AOPEP: variants seen among roughly 807,000 people sequenced by gnomAD.
The protein encoded by AOPEP is aminopeptidase O (putative), also known as aminopeptidase O.
In AOPEP, 77 loss-of-function variants were observed where a neutral mutation model predicts 98.1. That is an observed-to-expected ratio of 0.78 (90% CI 0.65 to 0.95). The LOEUF (loss-of-function observed/expected upper bound fraction) is 0.95. Among genes scored for constraint, AOPEP ranks in the 40% least tolerant of loss-of-function variants. AOPEP has a pLI of 0.00. For missense variants in AOPEP, 1,024 were observed against 1,024.7 expected, an observed-to-expected ratio of 1.00 and a Z score of 0.01; for synonymous variants, 346 against 365.3, an observed-to-expected ratio of 0.95 and a Z score of 0.60.
At chr9:94,856,173 C>A (rs2044185375) in intron 5 of AOPEP, among the ~76,000 whole-genome samples, 1 of 152,332 alleles carries the variant, frequency 6.6e-6, no homozygotes, top group East Asian at 1.9e-4. Flanking sequence ...CATAGACCAG[C>A]ATGCACACGT....
chr9:95,144,007 T>G, the AOPEP span, among the ~76,000 whole-genome samples: 1 of 152,090 alleles, frequency 6.6e-6, no homozygotes, highest in African/African-American at 2.4e-5. Context: ...CACCAGCCAA[T>G]TGTCAAACAG....
chr9:94,742,060 A>G (rs1051557935), intron 1 of AOPEP, among the ~76,000 whole-genome samples: 7 of 152,210 alleles, frequency 4.6e-5, no homozygotes, highest in African/African-American at 1.4e-4. Flanking sequence ...GTATTCAAAA[A>G]TAGCACTGAC....
chr9:94,851,854 G>T (rs1390063676), intron 5 of AOPEP, among the ~76,000 whole-genome samples: 1 of 150,982 alleles, frequency 6.6e-6, no homozygotes, highest in Non-Finnish European at 1.5e-5. Context: ...CCCTGGAGGT[G>T]GTGGTTTATT....
At chr9:94,785,007 C>T (rs1399343368) in intron 3 of AOPEP, among the ~76,000 whole-genome samples, 2 of 152,160 alleles carry the variant, frequency 1.3e-5, no homozygotes, top group African/African-American at 4.8e-5. Context: ...GATCTCAGCA[C>T]ACTGCAAACT....
At chr9:95,003,165 T>TGTGTGC (rs1196387961) in intron 11 of AOPEP, among the ~76,000 whole-genome samples, 82 of 146,054 alleles carry the variant, frequency 5.6e-4, no homozygotes, top group African/African-American at 1.8e-3. Context: ...TGTGTGTGTG[T>TGTGTGC]GCGCGCGCGC....
chr9:95,047,142 A>G (rs2065927102), intron 13 of AOPEP, among the ~76,000 whole-genome samples: 1 of 152,362 alleles, frequency 6.6e-6, no homozygotes, highest in East Asian at 1.9e-4. Flanking sequence ...CTCACATTTT[A>G]TAAATGCATG....
chr9:94,774,713 A>G (rs1044620201), intron 3 of AOPEP, among the ~76,000 whole-genome samples: 1 of 152,212 alleles, frequency 6.6e-6, no homozygotes, highest in Non-Finnish European at 1.5e-5. Flanking sequence ...GACATTTTAT[A>G]TAAAATTAGA....
At chr9:95,115,299 C>T in the AOPEP span, among the ~76,000 whole-genome samples, 2 of 152,176 alleles carry the variant, frequency 1.3e-5, no homozygotes, top group Admixed American at 6.5e-5. Flanking sequence ...AAGCAGCCCC[C>T]GCTGAGACTG....
rs182857946 is a variant in AOPEP at position 94,843,219 on chromosome 9, C to T, written c.1364+42217C>T. ...TGCTCCAGGGTTTCTCAGGCCTCGG[C>T]ACTTTTCACATCTTGTTTCCCTTAC... On this transcript the variant is annotated intron_variant, in intron 5 of 16. Coordinates refer to ENST00000375315, the MANE Select transcript of AOPEP (RefSeq NM_001193329.3). Among the ~76,000 whole-genome samples, 10 of 152,292 alleles carry T rather than the reference C, an allele frequency of 6.6e-5. No individual in the cohort carries two copies. In the East Asian group the frequency reaches 7.7e-4, roughly 12 times the overall value.
intron 13 of AOPEP, among the ~76,000 whole-genome samples, chr9:95,018,515 T>C (rs2063191636): frequency 6.6e-6 from 1 of 152,224 alleles, no homozygotes; most frequent in African/African-American, 2.4e-5. Context: ...AGAATCTTCA[T>C]GCGTCAGTTG....
chr9:95,107,106 G>A, the AOPEP span: 82 of 1,614,092 alleles, frequency 5.1e-5, no homozygotes, highest in Non-Finnish European at 6.6e-5. Context: ...GCCTCCAGGA[G>A]CCCAGAGCAG....
At position 94,901,309 on chromosome 9, in the gene AOPEP, C is replaced by T. The variant is rs114812741; in HGVS notation, c.1365-22677C>T. ...TCGATTGCTTCTTCCTCTGAGCCCC[C>T]ATAGCAAGAATGTATTTTTTCAATG... On this transcript the variant is annotated intron_variant, in intron 5 of 16. Transcript: ENST00000375315. Among the ~76,000 whole-genome samples the T allele has an allele frequency of 3.6e-3, 551 of 152,196 alleles. 3 individuals are homozygous for T. The highest frequency in any genetic ancestry group is 0.013 in the African/African-American group (534 of 41,520).
chr9:95,117,689 G>T, the AOPEP span, among the ~76,000 whole-genome samples: 1 of 150,428 alleles, frequency 6.6e-6, no homozygotes, highest in Non-Finnish European at 1.5e-5. Flanking sequence ...GGAAAGACTT[G>T]CCAAAGCCGT....
intron 10 of AOPEP, 52 bp from the exon 11 acceptor site, chr9:94,979,315 A>C (rs2060034674): frequency 3.3e-5 from 40 of 1,212,692 alleles, no homozygotes; most frequent in Non-Finnish European, 4.3e-5. Context: ...TCTGTGTAAT[A>C]AGCGCTCTGT....
At chr9:94,982,520 C>G (rs938194603) in intron 11 of AOPEP, among the ~76,000 whole-genome samples, 1 of 148,808 alleles carries the variant, frequency 6.7e-6, no homozygotes, top group Non-Finnish European at 1.5e-5. Context: ...TAAGGATATA[C>G]ACTGAGTAGT....
intron 13 of AOPEP, among the ~76,000 whole-genome samples, chr9:95,028,440 C>G (rs1194078186): frequency 6.6e-6 from 1 of 152,188 alleles, no homozygotes; most frequent in African/African-American, 2.4e-5. Context: ...CCCACACAGC[C>G]TTCAGGTGCC....
intron 5 of AOPEP, among the ~76,000 whole-genome samples, chr9:94,864,751 G>A (rs1405130942): frequency 6.6e-6 from 1 of 152,054 alleles, no homozygotes; most frequent in Non-Finnish European, 1.5e-5. Flanking sequence ...CCCAAGGTAG[G>A]AATTTTTATT....
In AOPEP at chr9:95,063,735, C is replaced by T. The variant is rs550527675; in HGVS notation, c.2232+2925C>T. ...GTGTTGATTGAAAGGAAGAGGACTC[C>T]GAGATTGGATTGGAGCAAGAAAGTG... On this transcript the variant is annotated intron_variant, in intron 14 of 16. Transcript: ENST00000375315. Among the ~76,000 whole-genome samples, 233 of 152,222 alleles carry T rather than the reference C, an allele frequency of 1.5e-3. 2 individuals carry two copies. Among genetic ancestry groups the T allele is most frequent in the African/African-American group, 5.3e-3 (222 of 41,522 alleles).
rs372024359 is a variant in AOPEP, at chr9:95,085,210, C to T, written c.*5-1472C>T. On this transcript the variant is annotated intron_variant, in intron 16 of 16. Transcript: ENST00000375315. The stretch of plus-strand genomic sequence containing the variant: ...AGACAGCACGGGGTGGCGCTGCTCT[C>T]AGGTGCTCTGGCTGCTTGGGTTCCT... 3.6e-5 allele frequency: 18 copies of T among 493,578 alleles called. 1 individual carries two copies. The highest frequency in any genetic ancestry group is 7.6e-5 in the Non-Finnish European group (18 of 236,132). The allele number at this position is 493,578 out of a possible 1,614,324, so 30.6% of individuals were successfully genotyped here. A position where few individuals can be genotyped will look rare whatever the true frequency, so the allele number is the denominator to read the frequency against.
Sources: gnomAD v4.1 joint callset for allele counts (sites outside exome capture counted in the v4.1 genomes callset) on GRCh38, gnomAD v4.1.1 for gene constraint, MANE v1.5 for transcripts, NCBI Gene and HGNC (gene_info 2026-07-23, HGNC 2026-07-21) for gene names.